EDN3: variants seen among roughly 807,000 people sequenced by gnomAD.
The protein encoded by EDN3 is endothelin 3, also known as endothelin-3.
EDN3 carries 9 observed loss-of-function variants against 21.4 expected under a neutral mutation model. The ratio of observed to expected loss-of-function variants is 0.42; its 90% CI spans 0.25 to 0.73. The LOEUF (loss-of-function observed/expected upper bound fraction) is 0.73, where lower values mean the gene tolerates loss of function less well. Ranked by LOEUF, EDN3 falls within the 30% of genes least tolerant of loss-of-function variation. EDN3 has a pLI of 0.26. For missense variants in EDN3, 327 were observed against 309.4 expected, an observed-to-expected ratio of 1.06 and a Z score of -0.43; for synonymous variants, 133 against 126.2, an observed-to-expected ratio of 1.05 and a Z score of -0.36.
Position 59,301,395 on chromosome 20 carries a change from A to G in EDN3, c.53-15A>G, listed in dbSNP as rs1989004166. 6.2e-7 allele frequency: 1 copy of G among 1,606,228 alleles called. No individual in the cohort carries two copies. Among genetic ancestry groups the G allele is most frequent in the Non-Finnish European group, 8.5e-7 (1 of 1,179,964 alleles). On this transcript the variant is annotated splice_polypyrimidine_tract_variant and intron_variant, in intron 1 of 4. Transcript: ENST00000337938. ...GCACACTCAGCTTAGGAGCCCCTCA[A>G]TCTGCCTTCTGCAGGATTCGTGCCT...
chr20:59,321,605 G>T (rs1301567662), intron 3 of EDN3, among the ~76,000 whole-genome samples: 1 of 149,816 alleles, frequency 6.7e-6, no homozygotes, highest in Non-Finnish European at 1.5e-5. Context: ...AAGGCTTATT[G>T]GGAGGGGGGG....
chr20:59,309,557 T>C (rs547766920), intron 2 of EDN3, among the ~76,000 whole-genome samples: 6 of 152,212 alleles, frequency 3.9e-5, no homozygotes, highest in African/African-American at 9.6e-5. Flanking sequence ...GTTGGCCAGA[T>C]TAAAAGGGAC....
chr20:59,309,262 A>G (rs1328400862), intron 2 of EDN3, among the ~76,000 whole-genome samples: 1 of 152,096 alleles, frequency 6.6e-6, no homozygotes, highest in African/African-American at 2.4e-5. Flanking sequence ...TGATCTGTTT[A>G]CCTCTTTGTT....
chr20:59,303,281 G>A (rs139685188), intron 2 of EDN3, among the ~76,000 whole-genome samples: 1 of 152,268 alleles, frequency 6.6e-6, no homozygotes, highest in East Asian at 1.9e-4. Flanking sequence ...TTCCCTTTGT[G>A]GGGAAGATAG....
intron 2 of EDN3, among the ~76,000 whole-genome samples, chr20:59,304,330 C>A (rs1192485648): frequency 6.6e-6 from 1 of 152,196 alleles, no homozygotes; most frequent in African/African-American, 2.4e-5. Context: ...TTCTGTCTCC[C>A]CATTAGATCA....
At chr20:59,304,351 T>G (rs951616296) in intron 2 of EDN3, among the ~76,000 whole-genome samples, 1 of 152,210 alleles carries the variant, frequency 6.6e-6, no homozygotes, top group Admixed American at 6.5e-5. Context: ...CAACCCCACC[T>G]GTCACATGTT....
Position 59,300,802 on chromosome 20 carries a change from G to C in EDN3, c.-11G>C, listed in dbSNP as rs1988945499. The C allele has an allele frequency of 3.1e-6, 5 of 1,609,682 alleles. No individual in the cohort carries two copies. The highest frequency in any genetic ancestry group is 4.2e-6 in the Non-Finnish European group (5 of 1,178,988). ...CTCCTGGTCCGGTGCTCCGGCGCCT[G>C]ATCTAGGTTCATGGAGCCGGGGCTG... is the stretch of plus-strand genomic sequence containing the variant. On this transcript the variant is annotated 5_prime_UTR_variant, in exon 1 of 5. Transcript: ENST00000337938.
rs11570266 is a variant in EDN3, at chr20:59,303,359, T to C, written c.365+1637T>C. ...AGATAGCGAGGGGAGTCACCTTTCC[T>C]TGTAGCCCCTGCACCTTGGCACTGC... On this transcript the variant is annotated intron_variant, in intron 2 of 4. Transcript: ENST00000337938. Among the ~76,000 whole-genome samples, 308 of 152,328 alleles carry C rather than the reference T, an allele frequency of 2.0e-3. 10 individuals are homozygous for C. Among genetic ancestry groups the C allele is most frequent in the Admixed American group, 0.016 (250 of 15,308 alleles).
At position 59,322,817 on chromosome 20, in the gene EDN3, A is replaced by T. The variant is rs1394725502; in HGVS notation, c.588+400A>T. 6.6e-6 allele frequency among the ~76,000 whole-genome samples: 1 copy of T among 152,130 alleles called. No individual in the cohort carries two copies. Among genetic ancestry groups the T allele is most frequent in the African/African-American group, 2.4e-5 (1 of 41,426 alleles). ...ACTTCGCCTCTGCTTCCTTAGCAACATGTGGTCTTTCTCGTCAAAAAAATC... is the reference window on the plus strand; with the variant it reads ...ACTTCGCCTCTGCTTCCTTAGCAACTTGTGGTCTTTCTCGTCAAAAAAATC... On this transcript the variant is annotated intron_variant, in intron 4 of 4. Coordinates refer to ENST00000337938, the MANE Select transcript of EDN3 (RefSeq NM_207034.3). This position sits in a 1 kb window ranked among gnomAD's most constrained non-coding sequence, Gnocchi z 4.1.
At chr20:59,301,861 G>A (rs754298584) in intron 2 of EDN3, 139 bp downstream of exon 2, 47 of 1,020,902 alleles carry the variant, frequency 4.6e-5, no homozygotes, top group Non-Finnish European at 6.6e-5. Context: ...GCTCTTGCTG[G>A]GGCCTCTTGC....
intron 2 of EDN3, among the ~76,000 whole-genome samples, chr20:59,302,158 G>A (rs553048871): frequency 6.6e-6 from 1 of 152,164 alleles, no homozygotes. Flanking sequence ...AAAGCATCCT[G>A]GTCTCCAGGG....
At chr20:59,320,918 AC>A in intron 2 of EDN3, 98 bp from the exon 3 acceptor site, 1 of 1,324,206 alleles carries the variant, frequency 7.6e-7, no homozygotes, top group Non-Finnish European at 1.1e-6. Context: ...AGTTTCTGAG[AC>A]CTTTTCAGCC....
chr20:59,320,962 C>T (rs1474980454), intron 2 of EDN3, 55 bp from the exon 3 acceptor site: 21 of 1,605,532 alleles, frequency 1.3e-5, no homozygotes, highest in Non-Finnish European at 1.7e-5. Context: ...CCCTTGGGGG[C>T]CCCTGAGCAG....
At position 59,323,445 on chromosome 20, in the gene EDN3, G is replaced by A. The variant is rs113243542; in HGVS notation, c.589-886G>A. ...GCATTCGTTCAGCAAAGACTTGTTG[G>A]GCACCTGCTACGGGCTGGGCACCAT... On this transcript the variant is annotated intron_variant, in intron 4 of 4. Coordinates refer to ENST00000337938, the MANE Select transcript of EDN3 (RefSeq NM_207034.3). Among the ~76,000 whole-genome samples, 106 of 152,272 alleles carry A rather than the reference G, an allele frequency of 7.0e-4. 2 individuals are homozygous for A. Among genetic ancestry groups the A allele is most frequent in the Middle Eastern group, 3.4e-3 (1 of 294 alleles).
chr20:59,321,989 C>T (rs557442309), intron 3 of EDN3, among the ~76,000 whole-genome samples: 13 of 152,168 alleles, frequency 8.5e-5, no homozygotes, highest in Non-Finnish European at 1.5e-4. Context: ...AAAACCCTTC[C>T]TGGAGCAGGC....
intron 2 of EDN3, among the ~76,000 whole-genome samples, chr20:59,317,041 G>T (rs1165481139): frequency 6.6e-6 from 1 of 152,160 alleles, no homozygotes; most frequent in Non-Finnish European, 1.5e-5. Context: ...AGAGCGGTAG[G>T]CCCCAGCCAC....
intron 2 of EDN3, among the ~76,000 whole-genome samples, chr20:59,314,890 T>C (rs1274843832): frequency 1.3e-5 from 2 of 152,222 alleles, no homozygotes; most frequent in Non-Finnish European, 2.9e-5. Context: ...TAGCAGTGTC[T>C]GCTGGATGTT....
At position 59,301,609 on chromosome 20, in the gene EDN3, G is replaced by A; in HGVS notation, c.252G>A (p.Ala84=). The A allele has an allele frequency of 1.9e-6, 3 of 1,614,062 alleles. No homozygotes were observed. Among genetic ancestry groups the A allele is most frequent in the South Asian group, 1.1e-5 (1 of 91,078 alleles). Residue 84 remains alanine, a synonymous_variant, in exon 2 of 5, where the codon GCG becomes GCA. Coordinates refer to ENST00000337938, the MANE Select transcript of EDN3 (RefSeq NM_207034.3). ...CTGGAAGCCCTGGGCAGGAGCAGGC[G>A]GCCGAGGGGGCCCCTGAGCACCACC... ...PSPGSPGQEQ[A]AEGAPEHHRS...
At chr20:59,304,541 T>C (rs1430062231) in intron 2 of EDN3, among the ~76,000 whole-genome samples, 1 of 152,228 alleles carries the variant, frequency 6.6e-6, no homozygotes, top group Non-Finnish European at 1.5e-5. Context: ...TTCAGAGCCT[T>C]TCCTCCCATG....
Sources: allele counts gnomAD v4.1 joint callset (sites outside exome capture counted in the v4.1 genomes callset), GRCh38; gene constraint gnomAD v4.1.1; non-coding constraint Gnocchi (gnomAD v3.1); transcripts MANE v1.5; gene names NCBI Gene and HGNC (gene_info 2026-07-23, HGNC 2026-07-21).